The following VAV2 variants were observed in gnomAD, a reference collection of about 807,000 sequenced individuals.
VAV2 encodes the protein vav guanine nucleotide exchange factor 2, also known as guanine nucleotide exchange factor VAV2.
Under a neutral mutation model 132.5 loss-of-function variants are expected in VAV2, and 67 were observed. The observed-to-expected ratio is 0.51, with a 90% CI of 0.42 to 0.62. The LOEUF is 0.62. VAV2 is among the 20% of genes least tolerant of loss of function. VAV2 has a pLI of 0.00. For missense variants in VAV2, 938 were observed against 1,153.6 expected (o/e 0.81, Z 2.71); for synonymous variants, 492 against 443.5 (o/e 1.11, Z -1.37).
intron 1 of VAV2, among the ~76,000 whole-genome samples, chr9:133,955,413 C>T (rs1279890641): frequency 1.4e-5 from 2 of 139,056 alleles, no homozygotes; most frequent in Admixed American, 7.1e-5. Context: ...CCCCACACTC[C>T]TCCCCACCCC....
chr9:133,810,058 A>G, intron 6 of VAV2, 133 bp downstream of exon 6: 1 of 1,312,490 alleles, frequency 7.6e-7, no homozygotes. Flanking sequence ...TGATGCCTGA[A>G]GTCATGTGTG....
chr9:133,951,680 A>G (rs1348611909), intron 1 of VAV2, among the ~76,000 whole-genome samples: 1 of 152,150 alleles, frequency 6.6e-6, no homozygotes, highest in Non-Finnish European at 1.5e-5. Context: ...AGCAGCTGAC[A>G]CCAGACCACG....
At position 133,908,056 on chromosome 9, in the gene VAV2, G is replaced by A. The variant is rs1460182925; in HGVS notation, c.321+31047C>T. ...TCTGAAGGCGCCCCTCCCACCCCAC[G>A]CCCCCTACCTTCTCTGCCTTCCCCC... On this transcript the variant is annotated intron_variant, in intron 2 of 29. Transcript: ENST00000371850. Among the ~76,000 whole-genome samples the A allele has an allele frequency of 2.5e-3, 133 of 54,164 alleles. 1 individual carries two copies. Among genetic ancestry groups the A allele is most frequent in the Middle Eastern group, 0.022 (1 of 46 alleles). The allele number at this position is 54,164 out of a possible 152,430, so 35.5% of individuals were successfully genotyped here. A position where few individuals can be genotyped will look rare whatever the true frequency, so the allele number is the denominator to read the frequency against.
At chr9:133,986,121 A>G (rs1448795302) in intron 1 of VAV2, among the ~76,000 whole-genome samples, 2 of 152,220 alleles carry the variant, frequency 1.3e-5, no homozygotes, top group African/African-American at 4.8e-5. Context: ...CAGCAAACGG[A>G]AACCAAGTAA....
At chr9:133,810,296 C>T in intron 5 of VAV2, 91 bp from the exon 6 acceptor site, 4 of 1,584,904 alleles carry the variant, frequency 2.5e-6, no homozygotes, top group South Asian at 1.1e-5. Flanking sequence ...AGGAACGCCA[C>T]CCCACAACCA....
At chr9:133,894,756 G>A (rs1401636726) in intron 2 of VAV2, among the ~76,000 whole-genome samples, 1 of 152,158 alleles carries the variant, frequency 6.6e-6, no homozygotes, top group African/African-American at 2.4e-5. Context: ...AGATCCTGGC[G>A]CCCACCCTGG....
intron 3 of VAV2, among the ~76,000 whole-genome samples, chr9:133,856,630 C>CCT (rs1837395013): frequency 6.6e-6 from 1 of 152,176 alleles, no homozygotes; most frequent in African/African-American, 2.4e-5. Context: ...TCAAGCAACA[C>CCT]AGACTCTTAC....
intron 1 of VAV2, among the ~76,000 whole-genome samples, chr9:133,973,089 G>C (rs796259591): frequency 6.6e-6 from 1 of 151,954 alleles, no homozygotes; most frequent in Non-Finnish European, 1.5e-5. Flanking sequence ...GCCCTGCCTT[G>C]GTACCAAGGC....
chr9:133,816,450 T>G (rs1835562451), intron 4 of VAV2, among the ~76,000 whole-genome samples: 1 of 152,240 alleles, frequency 6.6e-6, no homozygotes, highest in Non-Finnish European at 1.5e-5. Flanking sequence ...AACTTCATAG[T>G]TTTAGCCACT....
rs903403922 is a variant in VAV2, at chr9:133,794,538, C to T, written c.1101+1130G>A. Among the ~76,000 whole-genome samples, 1 of 152,338 alleles carries T rather than the reference C, an allele frequency of 6.6e-6. No individual in the cohort carries two copies. Among genetic ancestry groups the T allele is most frequent in the Admixed American group, 6.5e-5 (1 of 15,312 alleles). ...CTATAGACAGAGACAGATTACAGCC[C>T]CTCCCCCACCCAGAGGGAGCTCCTT... On this transcript the variant is annotated intron_variant, in intron 12 of 29. Transcript: ENST00000371850. The surrounding 1 kb of genome is among the most constrained non-coding windows in gnomAD (Gnocchi z 4.6).
intron 2 of VAV2, among the ~76,000 whole-genome samples, chr9:133,890,090 G>A (rs976204116): frequency 2.0e-5 from 3 of 152,218 alleles, no homozygotes; most frequent in Admixed American, 1.3e-4. Flanking sequence ...ACTCGCAGGG[G>A]CTGAGGCAGG....
intron 3 of VAV2, among the ~76,000 whole-genome samples, chr9:133,839,778 T>C (rs1380521182): frequency 6.6e-6 from 1 of 152,166 alleles, no homozygotes; most frequent in East Asian, 1.9e-4. Context: ...AAGGAGAGCT[T>C]GTAAGAGATC....
intron 2 of VAV2, among the ~76,000 whole-genome samples, chr9:133,878,036 C>A (rs530976018): frequency 6.6e-6 from 1 of 152,314 alleles, no homozygotes; most frequent in Non-Finnish European, 1.5e-5. Flanking sequence ...CCCACTATTT[C>A]TCCCCTAGGC....
chr9:133,963,843 A>C (rs1179771281), intron 1 of VAV2, among the ~76,000 whole-genome samples: 2 of 151,924 alleles, frequency 1.3e-5, no homozygotes, highest in South Asian at 2.1e-4. Flanking sequence ...GGAATCAATG[A>C]AATAAAGTAC....
intron 1 of VAV2, among the ~76,000 whole-genome samples, chr9:133,958,581 A>T (rs1841866459): frequency 6.7e-6 from 1 of 149,964 alleles, no homozygotes; most frequent in Non-Finnish European, 1.5e-5. Context: ...TACTAAAGGG[A>T]ACTCAGAGGC....
Position 133,857,453 on chromosome 9 carries a change from G to A in VAV2, c.380+3921C>T, listed in dbSNP as rs1463773388. Among the ~76,000 whole-genome samples, 2 of 152,210 alleles carry A rather than the reference G, an allele frequency of 1.3e-5. No homozygotes were observed. Among genetic ancestry groups the A allele is most frequent in the Non-Finnish European group, 2.9e-5 (2 of 68,042 alleles). ...TCAGCTCATTATGCAAAGTGCAAGG[G>A]TTGTGAAAATGATTTTTTGAAGGAG... is the stretch of plus-strand genomic sequence containing the variant. On this transcript the variant is annotated intron_variant, in intron 3 of 29. Coordinates refer to ENST00000371850, the MANE Select transcript of VAV2 (RefSeq NM_001134398.2). The surrounding 1 kb of genome is among the most constrained non-coding windows in gnomAD (Gnocchi z 4.0).
Position 133,824,397 on chromosome 9 carries a change from A to C in VAV2, c.449+9875T>G, listed in dbSNP as rs919081302. Among the ~76,000 whole-genome samples, 1 of 151,906 alleles carries C rather than the reference A, an allele frequency of 6.6e-6. No individual in the cohort carries two copies. The highest frequency in any genetic ancestry group is 1.5e-5 in the Non-Finnish European group (1 of 67,982). The stretch of plus-strand genomic sequence containing the variant: ...CAGGACCCTCCTAAAACCCCAGCCC[A>C]AAACGGCCCTCAGTTCCCGAGAACA... On this transcript the variant is annotated intron_variant, in intron 4 of 29. Coordinates refer to ENST00000371850, the MANE Select transcript of VAV2 (RefSeq NM_001134398.2). This position sits in a 1 kb window ranked among gnomAD's most constrained non-coding sequence, Gnocchi z 5.2.
At chr9:133,770,315 G>C in intron 27 of VAV2, 63 bp downstream of exon 27, 1 of 1,606,384 alleles carries the variant, frequency 6.2e-7, no homozygotes, top group Non-Finnish European at 8.5e-7. Flanking sequence ...CTGAGCCCTG[G>C]GAAGTGGGCC....
At position 133,840,265 on chromosome 9, in the gene VAV2, C is replaced by T. The variant is rs1320199825; in HGVS notation, c.381-5925G>A. Among the ~76,000 whole-genome samples, 1 of 152,176 alleles carries T rather than the reference C, an allele frequency of 6.6e-6. No individual in the cohort carries two copies. Among genetic ancestry groups the T allele is most frequent in the Non-Finnish European group, 1.5e-5 (1 of 68,038 alleles). Reference sequence around the variant, plus strand: ...CGGGAAGCAGAGTTTCCCACTGCACCGCCGAGGGGACGAAGCAGATGTCCG... The same window carrying T: ...CGGGAAGCAGAGTTTCCCACTGCACTGCCGAGGGGACGAAGCAGATGTCCG... On this transcript the variant is annotated intron_variant, in intron 3 of 29. Transcript: ENST00000371850. This position sits in a 1 kb window ranked among gnomAD's most constrained non-coding sequence, Gnocchi z 4.5.
Sources: allele counts gnomAD v4.1 joint callset (sites outside exome capture counted in the v4.1 genomes callset), GRCh38; gene constraint gnomAD v4.1.1; non-coding constraint Gnocchi (gnomAD v3.1); transcripts MANE v1.5; gene names NCBI Gene and HGNC (gene_info 2026-07-23, HGNC 2026-07-21).